SAMD12: variants seen among roughly 807,000 people sequenced by gnomAD.
SAMD12 encodes the protein sterile alpha motif domain-containing protein 12.
SAMD12 carries 9 observed loss-of-function variants against 15.0 expected under a neutral mutation model. That is an observed-to-expected ratio of 0.60 (90% CI 0.36 to 1.05). The LOEUF is 1.05. SAMD12 is among the 50% of genes least tolerant of loss of function. The pLI is 0.01. For missense variants in SAMD12, 230 were observed against 234.2 expected, an observed-to-expected ratio of 0.98 and a Z score of 0.12; for synonymous variants, 86 against 90.1, an observed-to-expected ratio of 0.96 and a Z score of 0.25.
At chr8:118,334,971 G>C (rs895183420) in intron 4 of SAMD12, among the ~76,000 whole-genome samples, 2 of 152,080 alleles carry the variant, frequency 1.3e-5, no homozygotes, top group African/African-American at 2.4e-5. Flanking sequence ...TTTTCTCAGC[G>C]AGTCCCACTT....
At chr8:118,339,315 G>A (rs1171715715) in intron 4 of SAMD12, among the ~76,000 whole-genome samples, 1 of 152,154 alleles carries the variant, frequency 6.6e-6, no homozygotes, top group Admixed American at 6.5e-5. Context: ...GAGCCACAGA[G>A]TGAGACCCTG....
the SAMD12 span, among the ~76,000 whole-genome samples, chr8:118,178,148 A>G: frequency 1.6e-4 from 24 of 152,270 alleles, no homozygotes; most frequent in Non-Finnish European, 1.8e-4. Context: ...AATGGAAAAT[A>G]AAACACTAAA....
intron 2 of SAMD12, among the ~76,000 whole-genome samples, chr8:118,453,486 G>C (rs573711277): frequency 6.4e-4 from 98 of 152,102 alleles, no homozygotes; most frequent in Non-Finnish European, 1.2e-3. Flanking sequence ...TTCATATTCG[G>C]AGCAAATATT....
the SAMD12 span, among the ~76,000 whole-genome samples, chr8:118,167,461 A>C: frequency 6.6e-6 from 1 of 152,204 alleles, no homozygotes; most frequent in African/African-American, 2.4e-5. Context: ...TGTGATCAGA[A>C]TAGATCAAGA....
At chr8:118,282,574 T>C (rs901911241) in intron 4 of SAMD12, among the ~76,000 whole-genome samples, 3 of 152,130 alleles carry the variant, frequency 2.0e-5, no homozygotes, top group Non-Finnish European at 4.4e-5. Context: ...GCTGTAACTA[T>C]AGGGGGGCTG....
At chr8:118,531,299 G>A (rs1286278234) in intron 2 of SAMD12, among the ~76,000 whole-genome samples, 1 of 152,104 alleles carries the variant, frequency 6.6e-6, no homozygotes, top group Non-Finnish European at 1.5e-5. Context: ...TCTCTGTTTT[G>A]GTACCAGTAC....
At chr8:118,463,738 A>T (rs1306078295) in intron 2 of SAMD12, among the ~76,000 whole-genome samples, 1 of 152,110 alleles carries the variant, frequency 6.6e-6, no homozygotes, top group Admixed American at 6.5e-5. Context: ...AATGACCAAC[A>T]TCCCACACGC....
intron 4 of SAMD12, among the ~76,000 whole-genome samples, chr8:118,212,486 A>G (rs1205892171): frequency 6.6e-6 from 1 of 152,224 alleles, no homozygotes; most frequent in Non-Finnish European, 1.5e-5. Context: ...TTCATGTGTG[A>G]TAAGTAAACA....
chr8:118,415,448 G>GGT (rs58176749), intron 3 of SAMD12, among the ~76,000 whole-genome samples: 21,848 of 142,758 alleles, frequency 0.15, 1,938 homozygotes, highest in Non-Finnish European at 0.21. Context: ...CTTGTCCTAA[G>GGT]GTGTGTGTGT....
intron 2 of SAMD12, among the ~76,000 whole-genome samples, chr8:118,550,858 A>G (rs955121047): frequency 2.1e-4 from 31 of 150,658 alleles, no homozygotes; most frequent in Non-Finnish European, 4.1e-4. Flanking sequence ...TGGAAAACAA[A>G]AAAAGGCAGG....
intron 2 of SAMD12, among the ~76,000 whole-genome samples, chr8:118,495,685 T>C (rs1824590994): frequency 6.6e-6 from 1 of 152,044 alleles, no homozygotes; most frequent in Admixed American, 6.6e-5. Flanking sequence ...TTTCCTCAAC[T>C]GTAAAATGTG....
intron 2 of SAMD12, among the ~76,000 whole-genome samples, chr8:118,570,519 G>A (rs780701294): frequency 1.3e-5 from 2 of 152,108 alleles, no homozygotes; most frequent in African/African-American, 4.8e-5. Flanking sequence ...CTCCATCCTT[G>A]TCCCTGCAAA....
At chr8:118,386,361 G>T (rs546368597) in intron 3 of SAMD12, among the ~76,000 whole-genome samples, 1 of 152,208 alleles carries the variant, frequency 6.6e-6, no homozygotes, top group South Asian at 2.1e-4. Context: ...CTCCTCTTGC[G>T]CGTGTATAAT....
intron 2 of SAMD12, among the ~76,000 whole-genome samples, chr8:118,553,133 TC>T (rs1302033178): frequency 4.6e-5 from 7 of 151,422 alleles, no homozygotes; most frequent in East Asian, 1.9e-4. Context: ...TTCAATGCCA[TC>T]CCCATCAAGC....
chr8:118,516,929 G>A lies in SAMD12; in HGVS notation c.192+63786C>T, dbSNP rs193171288. ...GCTGGGATTACAGGCGTGAGCCACC[G>A]TGCCCAGCTGATAGTTTTCTATTTC... On this transcript the variant is annotated intron_variant, in intron 2 of 3. Transcript: ENST00000314727. Among the ~76,000 whole-genome samples the A allele has an allele frequency of 7.9e-5, 12 of 152,268 alleles. No homozygotes were observed. The East Asian group carries it at 1.9e-3, about 25-fold the overall frequency.
intron 1 of SAMD12, among the ~76,000 whole-genome samples, chr8:118,609,864 T>C (rs950322328): frequency 3.9e-5 from 6 of 152,164 alleles, no homozygotes; most frequent in African/African-American, 7.2e-5. Context: ...TCCCCTCTGA[T>C]AGACAGAGCA....
chr8:118,331,776 G>A (rs1816816934), intron 4 of SAMD12, among the ~76,000 whole-genome samples: 1 of 152,126 alleles, frequency 6.6e-6, no homozygotes, highest in African/African-American at 2.4e-5. Context: ...GTCTAGACTG[G>A]GACAACAATC....
intron 1 of SAMD12, among the ~76,000 whole-genome samples, chr8:118,590,094 C>T: frequency 6.6e-6 from 1 of 152,254 alleles, no homozygotes; most frequent in South Asian, 2.1e-4. Context: ...AAGAAACCTG[C>T]AACTTGGGAA....
chr8:118,344,625 T>C (rs1216232541), intron 4 of SAMD12, among the ~76,000 whole-genome samples: 1 of 152,166 alleles, frequency 6.6e-6, no homozygotes, highest in Admixed American at 6.5e-5. Context: ...CCAGCTCTCA[T>C]GTAGAATAGC....
Sources: gnomAD v4.1 joint callset for allele counts (sites outside exome capture counted in the v4.1 genomes callset) on GRCh38, gnomAD v4.1.1 for gene constraint, MANE v1.5 for transcripts, NCBI Gene and HGNC (gene_info 2026-07-23, HGNC 2026-07-21) for gene names.